UBR4: variants seen among roughly 807,000 people sequenced by gnomAD.
UBR4 encodes the protein ubiquitin protein ligase E3 component n-recognin 4, also known as E3 ubiquitin-protein ligase UBR4.
A neutral mutation model predicts 575.6 loss-of-function variants in UBR4; 124 were observed. That is an observed-to-expected ratio of 0.22 (90% confidence interval 0.19 to 0.25). UBR4 has a LOEUF of 0.25. UBR4 is among the 10% of genes least tolerant of loss of function. The pLI is 1.00. For missense variants in UBR4, 4,818 were observed against 6,478.8 expected, an observed-to-expected ratio of 0.74 and a Z score of 8.80; for synonymous variants, 2,455 against 2,473.7, an observed-to-expected ratio of 0.99 and a Z score of 0.22.
Position 19,100,105 on chromosome 1 carries a change from G to T in UBR4, c.13221+271C>A. 1 of 489,662 alleles carries T rather than the reference G, an allele frequency of 2.0e-6. No homozygotes were observed. Among genetic ancestry groups the T allele is most frequent in the Non-Finnish European group, 3.6e-6 (1 of 276,998 alleles). 30.3% of individuals were successfully genotyped at this position (489,662 alleles called of 1,614,324 possible). ...AGAAGTCTCTGCCAGAGGCAATAACGATAATAAATACCCACCACCACTACA... is the reference window on the plus strand; with the variant it reads ...AGAAGTCTCTGCCAGAGGCAATAACTATAATAAATACCCACCACCACTACA... On this transcript the variant is annotated intron_variant, in intron 89 of 105. Transcript: ENST00000375254. The surrounding 1 kb of genome is among the most constrained non-coding windows in gnomAD (Gnocchi z 4.2).
At position 19,174,962 on chromosome 1, in the gene UBR4, C is replaced by T; in HGVS notation, c.2845G>A (p.Asp949Asn). The T allele has an allele frequency of 6.2e-7, 1 of 1,613,786 alleles. No individual in the cohort carries two copies. ...EASEDDLNRL[D>N]SVACDVLFSK... ...TTTAAAATTCCTAGTACCACAGAAT[C>T]AAGTCGGTTCAAATCATCCTCTGAG... Residue 949 changes from aspartate to asparagine, a missense_variant, in exon 21 of 106, where the codon GAT (aspartate) becomes AAT (asparagine). By Grantham distance (23) the Asp-to-Asn change is conservative (BLOSUM62 1). Coordinates refer to ENST00000375254, the MANE Select transcript of UBR4 (RefSeq NM_020765.3).
At chr1:19,120,760 A>C (rs1299733228) in intron 68 of UBR4, among the ~76,000 whole-genome samples, 1 of 152,202 alleles carries the variant, frequency 6.6e-6, no homozygotes, top group East Asian at 1.9e-4. Flanking sequence ...CATGGCTCTC[A>C]ACCCTGACCA....
chr1:19,184,024 C>T lies in UBR4; in HGVS notation c.2090G>A (p.Gly697Glu), dbSNP rs1475556801. The stretch of plus-strand genomic sequence containing the variant: ...ATATCTTGTCTACTGACCCTTGAGT[C>T]CATCTTTGTCCACCTCCTTGATGAT... ...ASIIKEVDKD[G>E]LKGSSDEEFA... is the part of the protein sequence containing the mutation. The change falls in exon 16 of 106, where the codon GGA (glycine) becomes GAA (glutamate). Residue 697 changes from glycine to glutamate, a missense_variant. By Grantham distance (98) the Gly-to-Glu change is moderately conservative (BLOSUM62 -2). Transcript: ENST00000375254. The T allele has an allele frequency of 6.2e-6, 10 of 1,614,112 alleles. No individual in the cohort carries two copies. Among genetic ancestry groups the T allele is most frequent in the Non-Finnish European group, 7.6e-6 (9 of 1,179,990 alleles).
rs562084245 is a variant in UBR4, at chr1:19,089,148, G to T, written c.14212-171C>A. On this transcript the variant is annotated intron_variant, in intron 97 of 105. Coordinates refer to ENST00000375254, the MANE Select transcript of UBR4 (RefSeq NM_020765.3). The surrounding 1 kb of genome is among the most constrained non-coding windows in gnomAD (Gnocchi z 4.3). ...TTGACAGACACAGACAAATGGAAGA[G>T]GGTTTGGCTCTGCCACTGCCTCTGA... Among the ~76,000 whole-genome samples the T allele has an allele frequency of 2.0e-5, 3 of 152,318 alleles. No individual in the cohort carries two copies. In the South Asian group the frequency reaches 6.2e-4, roughly 32 times the overall value.
chr1:19,160,540 T>C (rs2087163288), intron 38 of UBR4, among the ~76,000 whole-genome samples: 1 of 152,176 alleles, frequency 6.6e-6, no homozygotes, highest in Non-Finnish European at 1.5e-5. Context: ...GCATCCCTCA[T>C]ATGAAATGAG....
At chr1:19,155,890 A>C (rs559903531) in intron 42 of UBR4, among the ~76,000 whole-genome samples, 37 of 152,360 alleles carry the variant, frequency 2.4e-4, no homozygotes, top group African/African-American at 8.9e-4. Context: ...ATAAATTCTG[A>C]AACAAGTATG....
chr1:19,081,968 T>C (rs368307069), intron 102 of UBR4: 3 of 589,812 alleles, frequency 5.1e-6, no homozygotes. Flanking sequence ...AGCTAGTGAG[T>C]GATGGGGCCA....
Position 19,153,537 on chromosome 1 carries a change from C to T in UBR4, c.6631-35G>A, listed in dbSNP as rs1348126488. ...GAGGACAAAGGAGGGTCTTCGTTCCCACACCCACAGATCAGCATCCTCACA... is the reference window on the plus strand; with the variant it reads ...GAGGACAAAGGAGGGTCTTCGTTCCTACACCCACAGATCAGCATCCTCACA... On this transcript the variant is annotated intron_variant, in intron 45 of 105. Coordinates refer to ENST00000375254, the MANE Select transcript of UBR4 (RefSeq NM_020765.3). This position sits in a 1 kb window ranked among gnomAD's most constrained non-coding sequence, Gnocchi z 4.1. 15 of 1,609,042 alleles carry T rather than the reference C, an allele frequency of 9.3e-6. No homozygotes were observed. The East Asian group carries it at 3.3e-4, about 36-fold the overall frequency.
intron 94 of UBR4, among the ~76,000 whole-genome samples, 198 bp from the exon 95 acceptor site, chr1:19,094,337 G>A (rs1220985345): frequency 6.6e-6 from 1 of 152,210 alleles, no homozygotes; most frequent in Non-Finnish European, 1.5e-5. Flanking sequence ...TTCTGTGACA[G>A]TGCTGTTAAT....
chr1:19,146,688 A>G, intron 52 of UBR4, 138 bp downstream of exon 52: 1 of 1,135,858 alleles, frequency 8.8e-7, no homozygotes, highest in Non-Finnish European at 1.3e-6. Context: ...AAGGCCCTAC[A>G]AGGTATAAAG....
chr1:19,150,967 C>T, intron 48 of UBR4, 174 bp from the exon 49 acceptor site: 3 of 690,020 alleles, frequency 4.3e-6, no homozygotes, highest in Non-Finnish European at 7.2e-6. Flanking sequence ...ATGCTGAATA[C>T]ATGTGGTAAA....
At chr1:19,095,781 G>A (rs912845255) in intron 92 of UBR4, 129 bp from the exon 93 acceptor site, 2 of 779,204 alleles carry the variant, frequency 2.6e-6, no homozygotes. Flanking sequence ...GAAGAGGACA[G>A]GAGGGAGAAG....
chr1:19,188,397 T>A (rs12562022), intron 11 of UBR4, among the ~76,000 whole-genome samples: 40,890 of 151,822 alleles, frequency 0.27, 6,464 homozygotes, highest in East Asian at 0.61. Flanking sequence ...CTACAAAATA[T>A]GAAAAACTTA....
Position 19,139,276 on chromosome 1 carries a change from A to G in UBR4, c.8594-56T>C. On this transcript the variant is annotated intron_variant, in intron 58 of 105. Transcript: ENST00000375254. The surrounding 1 kb of genome is among the most constrained non-coding windows in gnomAD (Gnocchi z 4.2). ...AAAAAACAAACAAACAAACAAACAA[A>G]CAAAAAACAAAAAAAACCCCTCCTT... The G allele has an allele frequency of 6.5e-7, 1 of 1,527,196 alleles. No individual in the cohort carries two copies. Among genetic ancestry groups the G allele is most frequent in the East Asian group, 2.3e-5 (1 of 42,780 alleles). 94.6% of individuals were successfully genotyped at this position (1,527,196 alleles called of 1,614,324 possible). A position where few individuals can be genotyped will look rare whatever the true frequency, so the allele number is the denominator to read the frequency against.
In UBR4 at chr1:19,153,640, A is replaced by G. The variant is rs1475574706; in HGVS notation, c.6630+128T>C. 1.4e-6 allele frequency: 2 copies of G among 1,469,854 alleles called. No individual in the cohort carries two copies. Among genetic ancestry groups the G allele is most frequent in the Non-Finnish European group, 1.8e-6 (2 of 1,083,744 alleles). 91.1% of individuals were successfully genotyped at this position (1,469,854 alleles called of 1,614,324 possible). On this transcript the variant is annotated intron_variant, in intron 45 of 105. Transcript: ENST00000375254. The surrounding 1 kb of genome is among the most constrained non-coding windows in gnomAD (Gnocchi z 4.1). Reference sequence around the variant, plus strand: ...GAAGGGTGGCAAAGAAAAGGCATCTAGAAGAAAAAGGACTGAAAATCTTTT... The same window carrying G: ...GAAGGGTGGCAAAGAAAAGGCATCTGGAAGAAAAAGGACTGAAAATCTTTT...
At position 19,088,079 on chromosome 1, in the gene UBR4, G is replaced by C. The variant is rs574891881; in HGVS notation, c.14431-150C>G. ...AAGCCCTTGAGCTGTCTTCTAATAA[G>C]GATAAAGACCCAGGCCCTTCTGCTA... On this transcript the variant is annotated intron_variant, in intron 98 of 105. Transcript: ENST00000375254. This position sits in a 1 kb window ranked among gnomAD's most constrained non-coding sequence, Gnocchi z 4.0. The C allele has an allele frequency of 1.7e-4, 102 of 587,442 alleles. No individual in the cohort carries two copies. Among genetic ancestry groups the C allele is most frequent in the African/African-American group, 1.6e-3 (86 of 53,828 alleles). The allele number at this position is 587,442 out of a possible 1,614,324, so 36.4% of individuals were successfully genotyped here. A position where few individuals can be genotyped will look rare whatever the true frequency, so the allele number is the denominator to read the frequency against.
intron 92 of UBR4, chr1:19,095,908 G>A: frequency 2.5e-6 from 1 of 402,146 alleles, no homozygotes; most frequent in Non-Finnish European, 4.6e-6. Context: ...GTTCCTAATG[G>A]AAGAGGTGAT....
intron 11 of UBR4, among the ~76,000 whole-genome samples, chr1:19,188,618 C>T (rs2091784240): frequency 6.6e-6 from 1 of 152,096 alleles, no homozygotes; most frequent in Non-Finnish European, 1.5e-5. Context: ...AAAATCTCCA[C>T]ATAACAAAAG....
At chr1:19,204,247 T>C (rs7518238) in intron 1 of UBR4, among the ~76,000 whole-genome samples, 101,287 of 151,960 alleles carry the variant, frequency 0.67, 34,568 homozygotes, top group African/African-American at 0.8. Context: ...CGTGATCCAC[T>C]GCCTTGGCCT....
Sources: allele counts gnomAD v4.1 joint callset (sites outside exome capture counted in the v4.1 genomes callset), GRCh38; gene constraint gnomAD v4.1.1; non-coding constraint Gnocchi (gnomAD v3.1); transcripts MANE v1.5; gene names NCBI Gene and HGNC (gene_info 2026-07-23, HGNC 2026-07-21).